Variants in ANKRD13C observed in about 807,000 individuals in gnomAD.
ANKRD13C encodes the protein ankyrin repeat domain 13C, also known as ankyrin repeat domain-containing protein 13C.
A neutral mutation model predicts 65.5 loss-of-function variants in ANKRD13C; 16 were observed. That is an observed-to-expected ratio of 0.24 (90% CI 0.17 to 0.37). ANKRD13C has a LOEUF of 0.37. Among genes scored for constraint, ANKRD13C ranks in the 10% least tolerant of loss-of-function variants. ANKRD13C has a pLI of 1.00. For synonymous variants in ANKRD13C, 235 were observed against 238.7 expected (o/e 0.98, Z 0.14); for missense variants, 503 against 655.9 (o/e 0.77, Z 2.55).
chr1:70,273,479 C>T (rs1295316075), intron 11 of ANKRD13C, among the ~76,000 whole-genome samples: 5 of 152,116 alleles, frequency 3.3e-5, no homozygotes, highest in Non-Finnish European at 4.4e-5. Context: ...CCAATGAGTA[C>T]ATGTTGGAGA....
rs1678853292 is a variant in ANKRD13C at position 70,270,973 on chromosome 1, GA to G, written c.1395-18del. 2 of 1,518,452 alleles carry G rather than the reference GA, an allele frequency of 1.3e-6. No homozygotes were observed. Among genetic ancestry groups the G allele is most frequent in the Non-Finnish European group, 1.8e-6 (2 of 1,099,616 alleles). 94.1% of individuals were successfully genotyped at this position (1,518,452 alleles called of 1,614,324 possible). ...TTCAATAATCTGAAAAATGGAAGAA[GA>G]AAAAAATGTTTTCATTGTTCAAATT... On this transcript the variant is annotated intron_variant, in intron 11 of 12. Coordinates refer to ENST00000370944, the MANE Select transcript of ANKRD13C (RefSeq NM_030816.5).
At chr1:70,339,245 T>C (rs1682195785) in intron 1 of ANKRD13C, among the ~76,000 whole-genome samples, 1 of 148,424 alleles carries the variant, frequency 6.7e-6, no homozygotes, top group African/African-American at 2.5e-5. Flanking sequence ...TTGTCGACAA[T>C]TTGGTGCTAG....
At chr1:70,284,104 C>G (rs1679519326) in intron 9 of ANKRD13C, among the ~76,000 whole-genome samples, 1 of 152,020 alleles carries the variant, frequency 6.6e-6, no homozygotes, top group Non-Finnish European at 1.5e-5. Flanking sequence ...AGAAGAGGCA[C>G]AGTAAAAGTA....
At chr1:70,331,727 G>A (rs2101572982) in intron 2 of ANKRD13C, among the ~76,000 whole-genome samples, 1 of 147,570 alleles carries the variant, frequency 6.8e-6, no homozygotes, top group East Asian at 2.1e-4. Context: ...TAGGTAGGCT[G>A]AGGTGGGAGA....
chr1:70,324,250 T>A (rs1472715409), intron 3 of ANKRD13C, among the ~76,000 whole-genome samples: 2 of 152,202 alleles, frequency 1.3e-5, no homozygotes, highest in African/African-American at 4.8e-5. Flanking sequence ...CAGATTAAGT[T>A]TTGTACAATT....
chr1:70,277,983 T>C (rs532853228), intron 9 of ANKRD13C, among the ~76,000 whole-genome samples: 1 of 151,102 alleles, frequency 6.6e-6, no homozygotes, highest in African/African-American at 2.4e-5. Context: ...AGCCCATGAG[T>C]TTGAGACCAG....
chr1:70,304,751 T>C (rs1680517495), intron 6 of ANKRD13C, among the ~76,000 whole-genome samples: 1 of 152,172 alleles, frequency 6.6e-6, no homozygotes, highest in African/African-American at 2.4e-5. Context: ...CCTCCAAAAT[T>C]GCCTACCATC....
In ANKRD13C at chr1:70,287,927, G is replaced by C. The variant is rs74946985; in HGVS notation, c.1215+4461C>G. On this transcript the variant is annotated intron_variant, in intron 9 of 12. Transcript: ENST00000370944. ...CTCAGCTACTTAGGAGACTGAGTGG[G>C]AGGATTATTTGAGTTGAGGCGGTCA... 6.4e-3 allele frequency among the ~76,000 whole-genome samples: 975 copies of C among 152,310 alleles called. 78 individuals are homozygous for C. The East Asian group carries it at 0.16, about 24-fold the overall frequency.
intron 12 of ANKRD13C, among the ~76,000 whole-genome samples, chr1:70,263,215 A>C (rs1678463776): frequency 6.6e-6 from 1 of 152,116 alleles, no homozygotes; most frequent in Non-Finnish European, 1.5e-5. Context: ...AGATTATAGT[A>C]TATTTACTAT....
chr1:70,277,994 C>T (rs1679212732), intron 9 of ANKRD13C, among the ~76,000 whole-genome samples: 1 of 151,092 alleles, frequency 6.6e-6, no homozygotes, highest in Non-Finnish European at 1.5e-5. Context: ...TTGAGACCAG[C>T]CTAGGCAACA....
chr1:70,270,843 T>G lies in ANKRD13C; in HGVS notation c.1495+13A>C, dbSNP rs76242711. The G allele has an allele frequency of 2.6e-6, 4 of 1,548,104 alleles. No homozygotes were observed. The East Asian group carries it at 6.7e-5, about 26-fold the overall frequency. ...TAATGGACACTAAAATTATATCTAA[T>G]TTTTTCTCTTACCTAATTTTACAGG... On this transcript the variant is annotated intron_variant, in intron 12 of 12. Transcript: ENST00000370944.
intron 3 of ANKRD13C, among the ~76,000 whole-genome samples, chr1:70,322,388 T>C (rs1467417954): frequency 6.6e-6 from 1 of 152,136 alleles, no homozygotes; most frequent in Non-Finnish European, 1.5e-5. Flanking sequence ...GTAATGAAAA[T>C]ATAAGCACCG....
At chr1:70,298,211 C>T (rs1468562800) in intron 7 of ANKRD13C, among the ~76,000 whole-genome samples, 3 of 152,062 alleles carry the variant, frequency 2.0e-5, no homozygotes, top group Admixed American at 2.0e-4. Flanking sequence ...CTGTATAACC[C>T]ATTGTCTATG....
At chr1:70,269,729 C>CA (rs57521346) in intron 12 of ANKRD13C, among the ~76,000 whole-genome samples, 3,560 of 82,212 alleles carry the variant, frequency 0.043, 81 homozygotes, top group African/African-American at 0.094. Flanking sequence ...AGTCATTTTT[C>CA]AAAAAAAAAA....
At chr1:70,297,716 C>A (rs1167729851) in intron 7 of ANKRD13C, among the ~76,000 whole-genome samples, 1 of 149,790 alleles carries the variant, frequency 6.7e-6, no homozygotes, top group Non-Finnish European at 1.5e-5. Flanking sequence ...AAGACAGAAA[C>A]CATTCTGGCT....
chr1:70,333,133 C>T (rs1391377771), intron 2 of ANKRD13C, among the ~76,000 whole-genome samples: 3 of 152,134 alleles, frequency 2.0e-5, no homozygotes. Context: ...TAAAACTTGG[C>T]TACTTTACTC....
chr1:70,315,693 G>A (rs1681044706), intron 3 of ANKRD13C, 127 bp from the exon 4 acceptor site: 2 of 610,108 alleles, frequency 3.3e-6, no homozygotes, highest in African/African-American at 1.9e-5. Context: ...ATGTGTGTAT[G>A]TGTATGTGTG....
At chr1:70,268,827 C>G (rs549999811) in intron 12 of ANKRD13C, among the ~76,000 whole-genome samples, 3 of 152,204 alleles carry the variant, frequency 2.0e-5, no homozygotes, top group South Asian at 4.2e-4. Context: ...CTGGCTGATT[C>G]TGAAAACATG....
intron 12 of ANKRD13C, among the ~76,000 whole-genome samples, chr1:70,266,783 C>T (rs991656016): frequency 6.6e-6 from 1 of 151,986 alleles, no homozygotes; most frequent in African/African-American, 2.4e-5. Context: ...AGTTTAATTC[C>T]ATTGTAATCA....
Sources: gnomAD v4.1 joint callset for allele counts (sites outside exome capture counted in the v4.1 genomes callset) on GRCh38, gnomAD v4.1.1 for gene constraint, MANE v1.5 for transcripts, NCBI Gene and HGNC (gene_info 2026-07-23, HGNC 2026-07-21) for gene names.